DCAF6: variants seen among roughly 807,000 people sequenced by gnomAD.
DCAF6 encodes DDB1- and CUL4-associated factor 6.
Under a neutral mutation model 125.1 loss-of-function variants are expected in DCAF6, and 54 were observed. That is an observed-to-expected ratio of 0.43 (90% CI 0.35 to 0.54). The LOEUF (loss-of-function observed/expected upper bound fraction) is 0.54. DCAF6 is among the 20% of genes least tolerant of loss of function. The pLI is 0.01. For synonymous variants in DCAF6, 371 were observed against 390.4 expected (o/e 0.95, Z 0.58); for missense variants, 934 against 1,161.7 (o/e 0.80, Z 2.85).
intron 7 of DCAF6, among the ~76,000 whole-genome samples, chr1:167,998,153 G>A (rs1015771756): frequency 3.3e-5 from 5 of 151,986 alleles, no homozygotes; most frequent in African/African-American, 1.2e-4. Flanking sequence ...TTGCATTAAA[G>A]CAAGTCACAC....
chr1:167,915,087 C>A, the DCAF6 span, among the ~76,000 whole-genome samples: 1 of 152,152 alleles, frequency 6.6e-6, no homozygotes, highest in East Asian at 1.9e-4. Context: ...CCAGTAGAGA[C>A]CTTTGTTTTA....
At chr1:168,033,425 C>T (rs1284466081) in intron 12 of DCAF6, among the ~76,000 whole-genome samples, 2 of 151,438 alleles carry the variant, frequency 1.3e-5, no homozygotes, top group Non-Finnish European at 2.9e-5. Flanking sequence ...ACGCCATTCT[C>T]CTGCCTCAGC....
the DCAF6 span, chr1:167,894,027 T>C: frequency 1.1e-6 from 1 of 894,606 alleles, no homozygotes; most frequent in Non-Finnish European, 1.8e-6. Context: ...GTCCCTATTC[T>C]CTTGGGCAGT....
chr1:168,070,662 A>G (rs565737849), intron 21 of DCAF6, among the ~76,000 whole-genome samples: 1 of 152,340 alleles, frequency 6.6e-6, no homozygotes, highest in East Asian at 1.9e-4. Context: ...TTTAAAAAGC[A>G]ACCAAAGTTA....
intron 3 of DCAF6, among the ~76,000 whole-genome samples, chr1:167,968,831 G>A (rs1311682619): frequency 6.6e-6 from 1 of 152,208 alleles, no homozygotes. Context: ...GAAGGACTCA[G>A]TTCCATTGCA....
At chr1:168,072,294 TAAAAAAAA>T (rs59674650) in intron 21 of DCAF6, among the ~76,000 whole-genome samples, 25 of 41,010 alleles carry the variant, frequency 6.1e-4, no homozygotes, top group East Asian at 1.5e-3. Flanking sequence ...AGAATCAGTC[TAAAAAAAA>T]AAAAAAAAAA....
intron 12 of DCAF6, among the ~76,000 whole-genome samples, chr1:168,031,739 C>T (rs1687121847): frequency 6.6e-6 from 1 of 151,434 alleles, no homozygotes; most frequent in South Asian, 2.1e-4. Flanking sequence ...CCTGAGGAAA[C>T]AGTCATGAAA....
At chr1:167,934,156 T>C (rs1571521580), upstream of DCAF6, among the ~76,000 whole-genome samples, 1 of 152,326 alleles carries the variant, frequency 6.6e-6, no homozygotes, top group East Asian at 1.9e-4. Flanking sequence ...TAATCCCTCT[T>C]CATTCTGAAA....
At chr1:167,901,667 T>C in the DCAF6 span, 1 of 1,614,110 alleles carries the variant, frequency 6.2e-7, no homozygotes, top group South Asian at 1.1e-5. Context: ...CTTACCTATC[T>C]TGACTCGGAT....
At chr1:167,904,680 G>A in the DCAF6 span, 4 of 591,278 alleles carry the variant, frequency 6.8e-6, no homozygotes, top group African/African-American at 1.9e-5. Context: ...GGTCAATTTT[G>A]ACTGGGATGT....
At chr1:167,984,897 G>GA (rs1211265360) in intron 4 of DCAF6, among the ~76,000 whole-genome samples, 1 of 152,136 alleles carries the variant, frequency 6.6e-6, no homozygotes, top group African/African-American at 2.4e-5. Context: ...GTTTACAAAA[G>GA]AAAGAGGTTT....
chr1:167,942,667 C>G (rs994119010), intron 1 of DCAF6, among the ~76,000 whole-genome samples: 1 of 151,876 alleles, frequency 6.6e-6, no homozygotes, highest in Admixed American at 6.6e-5. Context: ...TATCTTTTTA[C>G]CTCTTACATT....
chr1:167,932,723 C>T (rs538413993), upstream of DCAF6, among the ~76,000 whole-genome samples: 23 of 150,564 alleles, frequency 1.5e-4, no homozygotes, highest in South Asian at 4.6e-3. Context: ...GCAGGAGAAT[C>T]GCTTGAACCC....
At chr1:167,931,106 A>G (rs1670896182), upstream of DCAF6, among the ~76,000 whole-genome samples, 1 of 152,098 alleles carries the variant, frequency 6.6e-6, no homozygotes, top group Non-Finnish European at 1.5e-5. Flanking sequence ...TAAATTTCGT[A>G]TTTTTAGTAG....
the DCAF6 span, chr1:167,878,297 G>T: frequency 1.2e-6 from 1 of 812,366 alleles, no homozygotes; most frequent in Non-Finnish European, 2.0e-6. Context: ...GAAAGATTAA[G>T]GATTTTGAAG....
intron 4 of DCAF6, among the ~76,000 whole-genome samples, chr1:167,980,284 G>A (rs1304532408): frequency 6.6e-6 from 1 of 152,222 alleles, no homozygotes; most frequent in Non-Finnish European, 1.5e-5. Flanking sequence ...GTGAAGATGA[G>A]TGTGCAAATA....
intron 13 of DCAF6, among the ~76,000 whole-genome samples, chr1:168,042,533 G>A (rs953583690): frequency 1.3e-5 from 2 of 151,882 alleles, no homozygotes; most frequent in Non-Finnish European, 2.9e-5. Context: ...TGTTTGAACA[G>A]CAGATCAGAA....
At chr1:167,891,382 C>T in the DCAF6 span, among the ~76,000 whole-genome samples, 5 of 151,698 alleles carry the variant, frequency 3.3e-5, no homozygotes, top group Admixed American at 6.6e-5. Flanking sequence ...TTGGGTCGGG[C>T]GCAGTGGCTC....
At chr1:167,992,937 T>G (rs1272775354) in intron 6 of DCAF6, among the ~76,000 whole-genome samples, 1 of 152,222 alleles carries the variant, frequency 6.6e-6, no homozygotes, top group Admixed American at 6.5e-5. Context: ...CGTGTGATTG[T>G]ATTTATAAAT....
Sources: allele counts gnomAD v4.1 joint callset (sites outside exome capture counted in the v4.1 genomes callset), GRCh38; gene constraint gnomAD v4.1.1; transcripts MANE v1.5; gene names NCBI Gene and HGNC (gene_info 2026-07-23, HGNC 2026-07-21).